CNTNAP2: variants seen among roughly 807,000 people sequenced by gnomAD.
CNTNAP2 encodes the protein contactin-associated protein-like 2.
In CNTNAP2, 98 loss-of-function variants were observed where a neutral mutation model predicts 155.2. The observed-to-expected ratio is 0.63, with a 90% CI of 0.54 to 0.75. The LOEUF is 0.75. Among genes scored for constraint, CNTNAP2 ranks in the 30% least tolerant of loss-of-function variants. CNTNAP2 has a pLI of 0.00. For missense variants in CNTNAP2, 1,727 were observed against 1,688.1 expected, an observed-to-expected ratio of 1.02 and a Z score of -0.40; for synonymous variants, 651 against 631.2, an observed-to-expected ratio of 1.03 and a Z score of -0.47.
chr7:147,772,481 T>C (rs1220333648), intron 13 of CNTNAP2, among the ~76,000 whole-genome samples: 56 of 106,604 alleles, frequency 5.3e-4, no homozygotes, highest in Non-Finnish European at 6.7e-4. Context: ...TATATATATA[T>C]ATACACACAC....
intron 11 of CNTNAP2, among the ~76,000 whole-genome samples, chr7:147,552,202 C>T (rs987493186): frequency 1.3e-5 from 2 of 152,010 alleles, no homozygotes; most frequent in Non-Finnish European, 2.9e-5. Context: ...GAGTTATATG[C>T]GAGTTTAAAC....
chr7:147,101,396 G>A (rs956176481), intron 4 of CNTNAP2, among the ~76,000 whole-genome samples: 2 of 152,204 alleles, frequency 1.3e-5, no homozygotes, highest in Non-Finnish European at 2.9e-5. Context: ...AGGTGAGCTG[G>A]AGCGAGCGCT....
At chr7:147,096,130 G>T (rs1198404836) in intron 4 of CNTNAP2, among the ~76,000 whole-genome samples, 1 of 152,150 alleles carries the variant, frequency 6.6e-6, no homozygotes, top group African/African-American at 2.4e-5. Flanking sequence ...GAAAATTAGG[G>T]TGTAATTATT....
chr7:147,480,550 G>T (rs1484466109), intron 10 of CNTNAP2, among the ~76,000 whole-genome samples: 1 of 152,202 alleles, frequency 6.6e-6, no homozygotes, highest in African/African-American at 2.4e-5. Context: ...CTACAGTCAG[G>T]TGCAGAAATG....
In CNTNAP2 at chr7:146,196,447, G is replaced by A. The variant is rs73162116; in HGVS notation, c.97+79474G>A. Among the ~76,000 whole-genome samples the A allele has an allele frequency of 2.3e-3, 346 of 152,170 alleles. 2 individuals are homozygous for A. Among genetic ancestry groups the A allele is most frequent in the Non-Finnish European group, 4.4e-3 (300 of 68,000 alleles). On this transcript the variant is annotated intron_variant, in intron 1 of 23. Transcript: ENST00000361727. ...AAGCACATGGGAGTTTTGAGTGGAG[G>A]ATTAGTTACAGTTCAGAAGATCCCA...
At chr7:147,875,343 G>A (rs532811146) in intron 13 of CNTNAP2, among the ~76,000 whole-genome samples, 31 of 152,144 alleles carry the variant, frequency 2.0e-4, no homozygotes, top group Non-Finnish European at 3.7e-4. Context: ...TTTCCGGGCA[G>A]GCAAGAGATT....
chr7:146,627,886 G>A (rs531071504), intron 1 of CNTNAP2, among the ~76,000 whole-genome samples: 3 of 152,048 alleles, frequency 2.0e-5, no homozygotes, highest in Non-Finnish European at 4.4e-5. Flanking sequence ...ATATAACTCA[G>A]TTGGTTTTAA....
chr7:147,777,310 T>A (rs1332436410), intron 13 of CNTNAP2, among the ~76,000 whole-genome samples: 1 of 152,168 alleles, frequency 6.6e-6, no homozygotes, highest in Non-Finnish European at 1.5e-5. Flanking sequence ...AGAGAAAAAA[T>A]AAGTTCACCT....
intron 1 of CNTNAP2, among the ~76,000 whole-genome samples, chr7:146,157,448 T>C (rs2222645): frequency 0.97 from 148,179 of 152,140 alleles, 72,288 homozygotes; most frequent in East Asian, 1. Flanking sequence ...TTGCCTCATT[T>C]GGGAAGCACA....
chr7:147,978,867 C>T (rs945502087), intron 15 of CNTNAP2, among the ~76,000 whole-genome samples: 4 of 152,078 alleles, frequency 2.6e-5, no homozygotes, highest in Non-Finnish European at 4.4e-5. Context: ...TCAGGCAAAC[C>T]CCTCCATTGT....
At chr7:146,583,768 C>T (rs1352542655) in intron 1 of CNTNAP2, among the ~76,000 whole-genome samples, 1 of 152,082 alleles carries the variant, frequency 6.6e-6, no homozygotes, top group East Asian at 1.9e-4. Context: ...TAGCTCTATG[C>T]TTTATTCATA....
chr7:146,934,484 A>T lies in CNTNAP2; in HGVS notation c.402+94580A>T, dbSNP rs1325080113. Among the ~76,000 whole-genome samples the T allele has an allele frequency of 4.0e-5, 6 of 151,434 alleles. No individual in the cohort carries two copies. The East Asian group carries it at 9.8e-4, about 25-fold the overall frequency. On this transcript the variant is annotated intron_variant, in intron 3 of 23. Transcript: ENST00000361727. ...AAGGGGGGAGGGAGAGCAATAGGAGATATACCTAATGCTAAATGACGAGTT... is the reference window on the plus strand; with the variant it reads ...AAGGGGGGAGGGAGAGCAATAGGAGTTATACCTAATGCTAAATGACGAGTT...
At chr7:147,886,475 C>CAAAAAAAAAAAAAAAAAA (rs532837902) in intron 13 of CNTNAP2, among the ~76,000 whole-genome samples, 4 of 39,738 alleles carry the variant, frequency 1.0e-4, no homozygotes, top group East Asian at 1.4e-3. Flanking sequence ...AACTCCATCT[C>CAAAAAAAAAAAAAAAAAA]AAAAAAAAAA....
intron 1 of CNTNAP2, among the ~76,000 whole-genome samples, chr7:146,740,068 TA>T (rs1190223108): frequency 6.6e-6 from 1 of 152,078 alleles, no homozygotes; most frequent in Non-Finnish European, 1.5e-5. Flanking sequence ...ACATACCATT[TA>T]AATCCTGTGA....
intron 14 of CNTNAP2, among the ~76,000 whole-genome samples, chr7:147,951,769 G>A (rs548560300): frequency 3.3e-5 from 5 of 151,866 alleles, no homozygotes; most frequent in South Asian, 2.1e-4. Flanking sequence ...GGGCCTGTCC[G>A]GGGGTAGAGG....
At chr7:148,107,575 GCTCCTCTTAC>G (rs1804250116) in intron 15 of CNTNAP2, among the ~76,000 whole-genome samples, 1 of 152,130 alleles carries the variant, frequency 6.6e-6, no homozygotes, top group Admixed American at 6.5e-5. Context: ...GCTGAACAAA[GCTCCTCTTAC>G]CTAACCTGAA....
chr7:146,776,991 C>CAGGA (rs1290624645), intron 2 of CNTNAP2, among the ~76,000 whole-genome samples: 2 of 152,004 alleles, frequency 1.3e-5, no homozygotes. Context: ...AGATGATTGA[C>CAGGA]AGGTAGGTAG....
At chr7:148,070,879 C>T (rs188370165) in intron 15 of CNTNAP2, among the ~76,000 whole-genome samples, 166 of 152,174 alleles carry the variant, frequency 1.1e-3, no homozygotes, top group Middle Eastern at 6.8e-3. Context: ...GTAAATGAAT[C>T]AGGAATTATT....
chr7:147,738,869 G>A (rs1041301342), intron 13 of CNTNAP2, among the ~76,000 whole-genome samples: 2 of 151,950 alleles, frequency 1.3e-5, no homozygotes, highest in Non-Finnish European at 2.9e-5. Context: ...TGGCCAGGCT[G>A]GTCTTGAACT....
Sources: allele counts gnomAD v4.1 joint callset (sites outside exome capture counted in the v4.1 genomes callset), GRCh38; gene constraint gnomAD v4.1.1; transcripts MANE v1.5; gene names NCBI Gene and HGNC (gene_info 2026-07-23, HGNC 2026-07-21).